The following ATP2B2 variants were observed in gnomAD, a reference collection of about 807,000 sequenced individuals.
ATP2B2 encodes the protein ATPase plasma membrane Ca2+ transporting 2.
A neutral mutation model predicts 120.0 loss-of-function variants in ATP2B2; 15 were observed. The observed-to-expected ratio is 0.12, with a 90% CI of 0.08 to 0.19. The LOEUF (loss-of-function observed/expected upper bound fraction) is 0.19. Among genes scored for constraint, ATP2B2 ranks in the 10% least tolerant of loss-of-function variants. The probability of loss-of-function intolerance (pLI) is 1.00; values close to 1 mark genes in which losing one functional copy is unlikely to be tolerated. For missense variants in ATP2B2, 1,045 were observed against 1,719.8 expected, an observed-to-expected ratio of 0.61 and a Z score of 6.94; for synonymous variants, 694 against 700.3, an observed-to-expected ratio of 0.99 and a Z score of 0.14.
At chr3:10,595,118 G>A (rs1211310149) in intron 2 of ATP2B2, among the ~76,000 whole-genome samples, 2 of 152,242 alleles carry the variant, frequency 1.3e-5, no homozygotes, top group African/African-American at 2.4e-5. Context: ...GCTCCAGGAT[G>A]CTGACCGCAG....
In ATP2B2 at chr3:10,402,493, C is replaced by A; in HGVS notation, c.398-145G>T. 3.2e-6 allele frequency: 4 copies of A among 1,256,324 alleles called. No homozygotes were observed. The highest frequency in any genetic ancestry group is 2.4e-5 in the East Asian group (1 of 41,428). 77.8% of individuals were successfully genotyped at this position (1,256,324 alleles called of 1,614,324 possible). A position where few individuals can be genotyped will look rare whatever the true frequency, so the allele number is the denominator to read the frequency against. ...CCACTTACTCAGTGTGTCTGGGTAC[C>A]AAGCCCTGTGGAAAGTGCTTCACGC... On this transcript the variant is annotated intron_variant, in intron 3 of 22. Coordinates refer to ENST00000360273, the MANE Select transcript of ATP2B2 (RefSeq NM_001001331.4). This position sits in a 1 kb window ranked among gnomAD's most constrained non-coding sequence, Gnocchi z 4.9.
intron 3 of ATP2B2, among the ~76,000 whole-genome samples, chr3:10,527,350 G>A (rs567830807): frequency 3.9e-5 from 6 of 152,328 alleles, no homozygotes; most frequent in African/African-American, 1.4e-4. Context: ...TACAGGGTAG[G>A]AAACTGAGGC....
intron 3 of ATP2B2, among the ~76,000 whole-genome samples, chr3:10,403,489 A>C (rs1430814794): frequency 6.6e-6 from 1 of 152,250 alleles, no homozygotes; most frequent in African/African-American, 2.4e-5. Context: ...TGCTGGGCCT[A>C]AGGCCCTTCC....
At chr3:10,704,283 C>T (rs1330992818) in intron 1 of ATP2B2, among the ~76,000 whole-genome samples, 1 of 152,170 alleles carries the variant, frequency 6.6e-6, no homozygotes, top group Non-Finnish European at 1.5e-5. Context: ...CATGGAAAAG[C>T]ATCTCACATA....
intron 1 of ATP2B2, among the ~76,000 whole-genome samples, chr3:10,701,354 T>C (rs571752120): frequency 2.5e-4 from 38 of 152,344 alleles, no homozygotes; most frequent in African/African-American, 8.7e-4. Flanking sequence ...CTGCTAGATG[T>C]TCACTTCAAC....
rs2059841219 is a variant in ATP2B2 at position 10,325,390 on chromosome 3, C to G, written c.*3424G>C. Reference sequence around the variant, plus strand: ...GTATGGCTGGTGCCAGATGAGACACCCAAGTAAGCGAAGAGAAGAGAAGTT... The same window carrying G: ...GTATGGCTGGTGCCAGATGAGACACGCAAGTAAGCGAAGAGAAGAGAAGTT... On this transcript the variant is annotated 3_prime_UTR_variant, in exon 23 of 23. Coordinates refer to ENST00000360273, the MANE Select transcript of ATP2B2 (RefSeq NM_001001331.4). 1.3e-5 allele frequency: 2 copies of G among 152,026 alleles called. No individual in the cohort carries two copies. Among genetic ancestry groups the G allele is most frequent in the Non-Finnish European group, 2.9e-5 (2 of 68,030 alleles). 9.4% of individuals were successfully genotyped at this position (152,026 alleles called of 1,614,324 possible). A position where few individuals can be genotyped will look rare whatever the true frequency, so the allele number is the denominator to read the frequency against.
At chr3:10,698,087 C>T (rs577727090) in intron 1 of ATP2B2, among the ~76,000 whole-genome samples, 3 of 152,240 alleles carry the variant, frequency 2.0e-5, no homozygotes, top group Admixed American at 2.0e-4. Context: ...GTGCTCTCAA[C>T]TGACTCAGAG....
chr3:10,672,124 C>A (rs1444288774), intron 1 of ATP2B2, among the ~76,000 whole-genome samples: 1 of 152,206 alleles, frequency 6.6e-6, no homozygotes, highest in Non-Finnish European at 1.5e-5. Flanking sequence ...TCTTGGCGAT[C>A]ATTGGAGATA....
intron 1 of ATP2B2, among the ~76,000 whole-genome samples, chr3:10,460,137 C>T (rs967519311): frequency 3.3e-5 from 5 of 152,272 alleles, no homozygotes; most frequent in Middle Eastern, 3.4e-3. Context: ...GATGGATGGA[C>T]GGAGGTCAGT....
chr3:10,609,733 C>T (rs137995129), intron 2 of ATP2B2, among the ~76,000 whole-genome samples: 132 of 152,210 alleles, frequency 8.7e-4, no homozygotes, highest in African/African-American at 2.7e-3. Flanking sequence ...GTGCAGCAGC[C>T]CTCACTGGTA....
chr3:10,622,209 C>A (rs1376530722), intron 1 of ATP2B2, among the ~76,000 whole-genome samples: 6 of 152,134 alleles, frequency 3.9e-5, no homozygotes, highest in Non-Finnish European at 8.8e-5. Flanking sequence ...GAGCTGTGGG[C>A]GGCCAGGCCT....
intron 2 of ATP2B2, among the ~76,000 whole-genome samples, chr3:10,580,982 G>C (rs188327529): frequency 1.1e-4 from 16 of 152,222 alleles, no homozygotes; most frequent in Admixed American, 7.2e-4. Context: ...GCTGACCCCC[G>C]TCATAGATTA....
In ATP2B2 at chr3:10,402,358, C is replaced by A; in HGVS notation, c.398-10G>T. ...TGGGCCGTCGCACATCCTGAAAGAC[C>A]AGATAGAAGCAGGCAGAGTGAGGTC... On this transcript the variant is annotated splice_polypyrimidine_tract_variant and intron_variant, in intron 3 of 22. Coordinates refer to ENST00000360273, the MANE Select transcript of ATP2B2 (RefSeq NM_001001331.4). The surrounding 1 kb of genome is among the most constrained non-coding windows in gnomAD (Gnocchi z 4.9). The A allele has an allele frequency of 6.2e-7, 1 of 1,612,330 alleles. No individual in the cohort carries two copies. The highest frequency in any genetic ancestry group is 1.7e-5 in the Admixed American group (1 of 60,026).
chr3:10,430,520 C>T (rs187344591), intron 2 of ATP2B2, among the ~76,000 whole-genome samples: 1 of 152,224 alleles, frequency 6.6e-6, no homozygotes, highest in Admixed American at 6.5e-5. Flanking sequence ...AATGAGAATT[C>T]TTAACTTGTT....
intron 1 of ATP2B2, among the ~76,000 whole-genome samples, chr3:10,684,121 G>C (rs1320354730): frequency 6.6e-6 from 1 of 152,090 alleles, no homozygotes; most frequent in African/African-American, 2.4e-5. Flanking sequence ...AGTGACCCAG[G>C]TCTGGCCAAT....
At chr3:10,588,930 C>T (rs1008500306) in intron 2 of ATP2B2, among the ~76,000 whole-genome samples, 3 of 152,186 alleles carry the variant, frequency 2.0e-5, no homozygotes, top group African/African-American at 4.8e-5. Context: ...GGCAGTGCTG[C>T]GTGAGCCTGT....
Position 10,402,055 on chromosome 3 carries a change from A to G in ATP2B2, c.655+36T>C. On this transcript the variant is annotated intron_variant, in intron 4 of 22. Coordinates refer to ENST00000360273, the MANE Select transcript of ATP2B2 (RefSeq NM_001001331.4). This position sits in a 1 kb window ranked among gnomAD's most constrained non-coding sequence, Gnocchi z 4.9. ...GCCTGTCCCACCTCTGCCGGAATCCAGCTTTAGAACCTGGCTCTGTGGCTG... is the reference window on the plus strand; with the variant it reads ...GCCTGTCCCACCTCTGCCGGAATCCGGCTTTAGAACCTGGCTCTGTGGCTG... 1.2e-6 allele frequency: 2 copies of G among 1,610,832 alleles called. No homozygotes were observed. Among genetic ancestry groups the G allele is most frequent in the Non-Finnish European group, 8.5e-7 (1 of 1,180,010 alleles).
chr3:10,673,806 CAAAAAAAAAA>C lies in ATP2B2; in HGVS notation c.-460+34099_-460+34108del, dbSNP rs549651187. Among the ~76,000 whole-genome samples, 17 of 73,776 alleles carry C rather than the reference CAAAAAAAAAA, an allele frequency of 2.3e-4. 1 individual carries two copies. Among genetic ancestry groups the C allele is most frequent in the Admixed American group, 9.3e-4 (5 of 5,382 alleles). 48.4% of individuals were successfully genotyped at this position (73,776 alleles called of 152,430 possible). On this transcript the variant is annotated intron_variant, in intron 1 of 21. Coordinates refer to the ATP2B2 transcript ENST00000646379. ...TGGGTGACAGGGTGAGACCCTGTTTCAAAAAAAAAAAAAAAAAAAAAAGAAGGAAAGAAAG... is the reference window on the plus strand; with the variant it reads ...TGGGTGACAGGGTGAGACCCTGTTTCAAAAAAAAAAAAGAAGGAAAGAAAG...
chr3:10,488,449 C>T (rs1291128740), intron 1 of ATP2B2, among the ~76,000 whole-genome samples: 1 of 149,930 alleles, frequency 6.7e-6, no homozygotes, highest in Non-Finnish European at 1.5e-5. Context: ...ATCCATCCAT[C>T]CACCACCCTA....
Sources: gnomAD v4.1 joint callset for allele counts (sites outside exome capture counted in the v4.1 genomes callset) on GRCh38, gnomAD v4.1.1 for gene constraint, Gnocchi (gnomAD v3.1) non-coding constraint, MANE v1.5 for transcripts, NCBI Gene and HGNC (gene_info 2026-07-23, HGNC 2026-07-21) for gene names.